The following CPA1 variants were observed in gnomAD, a reference collection of about 807,000 sequenced individuals.
CPA1 encodes carboxypeptidase A1, also known as carboxypeptidase A1 (pancreatic).
A neutral mutation model predicts 48.7 loss-of-function variants in CPA1; 42 were observed. The ratio of observed to expected loss-of-function variants is 0.86; its 90% confidence interval spans 0.67 to 1.11. The LOEUF is 1.11. Ranked by LOEUF, CPA1 falls within the 50% of genes most tolerant of loss-of-function variation. The pLI is 0.00. For missense variants in CPA1, 477 were observed against 544.7 expected (o/e 0.88, Z 1.24); for synonymous variants, 203 against 217.9 (o/e 0.93, Z 0.60).
chr7:130,386,468 G>T (rs1411168640), intron 9 of CPA1, among the ~76,000 whole-genome samples: 1 of 151,926 alleles, frequency 6.6e-6, no homozygotes, highest in Non-Finnish European at 1.5e-5. Flanking sequence ...GGAGGTGGAG[G>T]TTGCAGTGAG....
Position 130,381,636 on chromosome 7 carries a change from TTCTGGCG to T in CPA1, c.155_161del (p.Phe52TrpfsTer36). On this transcript the variant is annotated frameshift_variant, in exon 3 of 10. Coordinates refer to ENST00000011292, the MANE Select transcript of CPA1 (RefSeq NM_001868.4). LOFTEE classifies it high-confidence loss of function. ...CGGCTCTTGTCCTCCCCAGCTGGAC[TTCTGGCG>T]GGGGCCTGCCCACCCTGGCTCCCCC... is the stretch of plus-strand genomic sequence containing the variant. 6.2e-7 allele frequency: 1 copy of T among 1,613,492 alleles called. No homozygotes were observed. The highest frequency in any genetic ancestry group is 8.5e-7 in the Non-Finnish European group (1 of 1,179,746).
rs1796487003 is a variant in CPA1, at chr7:130,387,235, C to A, written c.1073-589C>A. 6.6e-6 allele frequency among the ~76,000 whole-genome samples: 1 copy of A among 152,172 alleles called. No homozygotes were observed. The highest frequency in any genetic ancestry group is 2.4e-5 in the African/African-American group (1 of 41,434). On this transcript the variant is annotated intron_variant, in intron 9 of 9. Transcript: ENST00000011292. The surrounding 1 kb of genome is among the most constrained non-coding windows in gnomAD (Gnocchi z 4.6). The stretch of plus-strand genomic sequence containing the variant: ...TTGACCTCACTTTTGGACTCCAGGC[C>A]TTCTTTGGAAACTGATTCAACTCTG...
chr7:130,383,770 T>C lies in CPA1; in HGVS notation c.672T>C (p.Asp224=), dbSNP rs1796437447. The change falls in exon 6 of 10, where the codon GAT becomes GAC. Residue 224 remains aspartate (D), a synonymous_variant. Coordinates refer to ENST00000011292, the MANE Select transcript of CPA1 (RefSeq NM_001868.4). ...DIFLEIVTNP[D]GFAFTHSTNR... ...TCCTGGAGATCGTCACCAACCCTGATGGCTTTGCCTTCACGCACAGCACGG... is the reference window on the plus strand; with the variant it reads ...TCCTGGAGATCGTCACCAACCCTGACGGCTTTGCCTTCACGCACAGCACGG... 3 of 1,613,970 alleles carry C rather than the reference T, an allele frequency of 1.9e-6. No homozygotes were observed. In the South Asian group the frequency reaches 3.3e-5, roughly 18 times the overall value.
At position 130,385,173 on chromosome 7, in the gene CPA1, C is replaced by G. The variant is rs911586927; in HGVS notation, c.815C>G (p.Ser272Trp). The G allele has an allele frequency of 1.9e-6, 3 of 1,614,192 alleles. No homozygotes were observed. The highest frequency in any genetic ancestry group is 3.3e-4 in the Middle Eastern group (2 of 6,060). Residue 272 changes from serine (S) to tryptophan (W), a missense_variant, in exon 8 of 10, where the codon TCG becomes TGG. Transcript: ENST00000011292. ...GLSGASSNPC[S>W]ETYHGKFANS... ...TCCGGAGCCAGCAGTAACCCCTGCT[C>G]GGAGACTTACCACGGCAAGTTTGCC...
chr7:130,383,402 G>A lies in CPA1; in HGVS notation c.495G>A (p.Gly165=). The part of the protein sequence containing the change: ...RPIYVLKFST[G]GSKRPAIWID... ...TGCCTCCTCTCCAGTTCAGCACGGG[G>A]GGCAGTAAGCGTCCAGCCATCTGGA... Residue 165 remains glycine (G), a synonymous_variant, in exon 5 of 10, where the codon GGG becomes GGA. Coordinates refer to ENST00000011292, the MANE Select transcript of CPA1 (RefSeq NM_001868.4). 1.9e-6 allele frequency: 3 copies of A among 1,614,046 alleles called. No individual in the cohort carries two copies. Among genetic ancestry groups the A allele is most frequent in the African/African-American group, 1.3e-5 (1 of 75,048 alleles).
At chr7:130,382,603 A>C (rs1396668443) in intron 4 of CPA1, among the ~76,000 whole-genome samples, 4 of 148,034 alleles carry the variant, frequency 2.7e-5, no homozygotes, top group Non-Finnish European at 5.9e-5. Flanking sequence ...AGCTGAGACT[A>C]CAAGCACGTG....
chr7:130,387,818 C>A lies in CPA1; in HGVS notation c.1073-6C>A. ...CCCTTTCTCTCCTATTTTACTCCTG[C>A]CCCAGATCAAGCCAGTGGAAGCACT... On this transcript the variant is annotated splice_region_variant and splice_polypyrimidine_tract_variant and intron_variant, in intron 9 of 9. Transcript: ENST00000011292. The surrounding 1 kb of genome is among the most constrained non-coding windows in gnomAD (Gnocchi z 4.6). 4 of 1,613,078 alleles carry A rather than the reference C, an allele frequency of 2.5e-6. No individual in the cohort carries two copies. The highest frequency in any genetic ancestry group is 3.4e-6 in the Non-Finnish European group (4 of 1,179,384).
chr7:130,383,568 C>T, intron 5 of CPA1, 76 bp downstream of exon 5: 1 of 1,446,842 alleles, frequency 6.9e-7, no homozygotes, highest in Non-Finnish European at 9.6e-7. Flanking sequence ...CCCGGGCCTC[C>T]CTTTGCCCAT....
intron 7 of CPA1, 199 bp from the exon 8 acceptor site, chr7:130,384,947 G>T: frequency 3.2e-6 from 2 of 623,366 alleles, no homozygotes; most frequent in Non-Finnish European, 5.6e-6. Flanking sequence ...CCCTCCCTGG[G>T]TGTGTCCATC....
In CPA1 at chr7:130,387,361, TTAA is replaced by T. The variant is rs1796488077; in HGVS notation, c.1073-461_1073-459del. On this transcript the variant is annotated intron_variant, in intron 9 of 9. Transcript: ENST00000011292. The surrounding 1 kb of genome is among the most constrained non-coding windows in gnomAD (Gnocchi z 4.6). ...TCAAAAGTGGCTTCATTACCCACTGTTAATTACAGTTTCCCGGGCAAAGTTTCC... is the reference window on the plus strand; with the variant it reads ...TCAAAAGTGGCTTCATTACCCACTGTTTACAGTTTCCCGGGCAAAGTTTCC... Among the ~76,000 whole-genome samples, 1 of 152,236 alleles carries T rather than the reference TTAA, an allele frequency of 6.6e-6. No individual in the cohort carries two copies. Among genetic ancestry groups the T allele is most frequent in the Non-Finnish European group, 1.5e-5 (1 of 68,048 alleles).
intron 4 of CPA1, 37 bp downstream of exon 4, chr7:130,382,246 G>A (rs1163215167): frequency 6.5e-7 from 1 of 1,531,170 alleles, no homozygotes; most frequent in African/African-American, 1.4e-5. Context: ...GGGGAGAATG[G>A]ACCCACACGT....
chr7:130,384,381 C>T (rs1796444892), intron 6 of CPA1, 155 bp from the exon 7 acceptor site: 2 of 634,438 alleles, frequency 3.2e-6, no homozygotes, highest in Non-Finnish European at 5.6e-6. Flanking sequence ...TGCAGCTCAG[C>T]TTCCAATCAG....
chr7:130,388,093 A>G lies in CPA1; in HGVS notation c.*82A>G. The G allele has an allele frequency of 7.2e-7, 1 of 1,381,286 alleles. No homozygotes were observed. Among genetic ancestry groups the G allele is most frequent in the Non-Finnish European group, 1.0e-6 (1 of 978,828 alleles). The allele number at this position is 1,381,286 out of a possible 1,614,324, so 85.6% of individuals were successfully genotyped here. A position where few individuals can be genotyped will look rare whatever the true frequency, so the allele number is the denominator to read the frequency against. ...TAAAGTTTGAGTGTACCAGGAACAG[A>G]ATCCTGGGGCTTGCATGTGGAGTGT... On this transcript the variant is annotated 3_prime_UTR_variant, in exon 10 of 10. Transcript: ENST00000011292.
At chr7:130,386,065 T>C (rs1332778915) in intron 9 of CPA1, 142 bp downstream of exon 9, 2 of 640,090 alleles carry the variant, frequency 3.1e-6, no homozygotes, top group South Asian at 2.0e-5. Context: ...TTCTGAGGGG[T>C]GGGCAGTCCC....
intron 4 of CPA1, among the ~76,000 whole-genome samples, chr7:130,382,727 T>C (rs1554411404): frequency 7.2e-6 from 1 of 139,044 alleles, no homozygotes; most frequent in African/African-American, 2.7e-5. Flanking sequence ...TCACTGAACC[T>C]CCACCTCCTG....
At chr7:130,380,658 A>G in intron 1 of CPA1, 73 bp downstream of exon 1, 1 of 832,986 alleles carries the variant, frequency 1.2e-6, no homozygotes, top group Non-Finnish European at 1.7e-6. Flanking sequence ...AGTAGAGGAG[A>G]CAGACAGACA....
intron 6 of CPA1, chr7:130,384,103 G>A: frequency 2.2e-6 from 1 of 463,154 alleles, no homozygotes; most frequent in Non-Finnish European, 3.9e-6. Context: ...AATATCGCAG[G>A]GGAGGGTCAA....
chr7:130,382,033 C>A, intron 3 of CPA1, 75 bp from the exon 4 acceptor site: 1 of 1,319,288 alleles, frequency 7.6e-7, no homozygotes, highest in Non-Finnish European at 1.1e-6. Context: ...CAGGCTGGGA[C>A]GGTGGGGCTG....
chr7:130,384,699 C>A, intron 7 of CPA1, 73 bp downstream of exon 7: 1 of 1,268,300 alleles, frequency 7.9e-7, no homozygotes. Flanking sequence ...TCTTGCTCCC[C>A]GCCTCTCTCC....
Sources: gnomAD v4.1 joint callset for allele counts (sites outside exome capture counted in the v4.1 genomes callset) on GRCh38, gnomAD v4.1.1 for gene constraint, Gnocchi (gnomAD v3.1) non-coding constraint, MANE v1.5 for transcripts, NCBI Gene and HGNC (gene_info 2026-07-23, HGNC 2026-07-21) for gene names.